Variants in COP1 observed in about 807,000 individuals in gnomAD.
COP1 encodes E3 ubiquitin-protein ligase COP1.
A neutral mutation model predicts 101.3 loss-of-function variants in COP1; 24 were observed. The ratio of observed to expected loss-of-function variants is 0.24; its 90% confidence interval spans 0.17 to 0.33. The LOEUF (loss-of-function observed/expected upper bound fraction) is 0.33, where lower values mean the gene tolerates loss of function less well. Ranked by LOEUF, COP1 falls within the 10% of genes least tolerant of loss-of-function variation. The pLI is 1.00. For missense variants in COP1, 663 were observed against 906.2 expected, an observed-to-expected ratio of 0.73 and a Z score of 3.45; for synonymous variants, 347 against 341.9, an observed-to-expected ratio of 1.01 and a Z score of -0.17.
chr1:176,124,416 A>G (rs1049501765), intron 8 of COP1, among the ~76,000 whole-genome samples: 1 of 49,134 alleles, frequency 2.0e-5, no homozygotes, highest in African/African-American at 7.9e-5. Context: ...CCTGCCCCCC[A>G]GCCCCGTACT....
intron 3 of COP1, among the ~76,000 whole-genome samples, chr1:176,166,020 A>G (rs1455201421): frequency 6.6e-6 from 1 of 152,232 alleles, no homozygotes; most frequent in African/African-American, 2.4e-5. Context: ...TTTTACCACA[A>G]AATCTTATAT....
chr1:176,145,560 G>A (rs1004277142), intron 6 of COP1, among the ~76,000 whole-genome samples: 8 of 151,954 alleles, frequency 5.3e-5, no homozygotes, highest in Non-Finnish European at 1.0e-4. Flanking sequence ...ATATAACATA[G>A]TAGTATTTTT....
chr1:176,014,025 T>C (rs1298426796), intron 15 of COP1, among the ~76,000 whole-genome samples: 2 of 152,222 alleles, frequency 1.3e-5, no homozygotes, highest in African/African-American at 4.8e-5. Flanking sequence ...TGAAGCTATT[T>C]CTCCATTCCT....
At chr1:176,056,356 T>C (rs1366163045) in intron 11 of COP1, among the ~76,000 whole-genome samples, 12 of 152,218 alleles carry the variant, frequency 7.9e-5, no homozygotes. Flanking sequence ...GCACTTAATC[T>C]GTCATGGACT....
chr1:176,137,956 T>C (rs1433715849), intron 6 of COP1, among the ~76,000 whole-genome samples: 1 of 152,114 alleles, frequency 6.6e-6, no homozygotes, highest in Non-Finnish European at 1.5e-5. Flanking sequence ...AGAAAGCCAA[T>C]AGTTGAAATA....
At chr1:176,066,604 T>G (rs894019956) in intron 11 of COP1, among the ~76,000 whole-genome samples, 1 of 152,236 alleles carries the variant, frequency 6.6e-6, no homozygotes, top group African/African-American at 2.4e-5. Flanking sequence ...CTGCTGACTT[T>G]TACGTCAAGG....
At chr1:176,008,931 C>T (rs999095421) in intron 15 of COP1, among the ~76,000 whole-genome samples, 1 of 152,152 alleles carries the variant, frequency 6.6e-6, no homozygotes, top group African/African-American at 2.4e-5. Flanking sequence ...TAATGCTTTG[C>T]ACGATTTGTG....
intron 6 of COP1, among the ~76,000 whole-genome samples, chr1:176,139,313 T>C (rs1363839065): frequency 6.8e-6 from 1 of 147,864 alleles, no homozygotes; most frequent in Non-Finnish European, 1.5e-5. Context: ...AAAAAAGAGA[T>C]GCTGGTGAGG....
chr1:176,151,952 A>T lies in COP1; in HGVS notation c.763-2878T>A, dbSNP rs577983858. Among the ~76,000 whole-genome samples the T allele has an allele frequency of 3.3e-3, 456 of 140,200 alleles. 1 individual carries two copies. The highest frequency in any genetic ancestry group is 8.7e-3 in the African/African-American group (331 of 38,062). The allele number at this position is 140,200 out of a possible 152,430, so 92.0% of individuals were successfully genotyped here. On this transcript the variant is annotated intron_variant, in intron 5 of 19. Transcript: ENST00000367669. ...GTAGAACAACTGCCATTTTGAGGGCATTTTTTTTTTTTTTTTGCATCAGAC... is the reference window on the plus strand; with the variant it reads ...GTAGAACAACTGCCATTTTGAGGGCTTTTTTTTTTTTTTTTTGCATCAGAC...
intron 11 of COP1, among the ~76,000 whole-genome samples, chr1:176,062,576 C>T (rs533073501): frequency 6.6e-6 from 1 of 152,134 alleles, no homozygotes; most frequent in Admixed American, 6.5e-5. Flanking sequence ...ATCATTTTGG[C>T]AGCTTCTTAA....
intron 9 of COP1, among the ~76,000 whole-genome samples, chr1:176,110,649 A>T (rs950971298): frequency 2.6e-5 from 4 of 152,178 alleles, no homozygotes; most frequent in African/African-American, 9.7e-5. Flanking sequence ...TTTAAAACAA[A>T]AAACAAAAAA....
chr1:175,975,954 G>T (rs1171961793), intron 18 of COP1, among the ~76,000 whole-genome samples: 2 of 152,122 alleles, frequency 1.3e-5, no homozygotes, highest in African/African-American at 4.8e-5. Context: ...CTCCATAAGG[G>T]ATCTTAGAAT....
chr1:176,084,021 T>G (rs563010007), intron 10 of COP1, among the ~76,000 whole-genome samples: 2 of 152,244 alleles, frequency 1.3e-5, no homozygotes, highest in Non-Finnish European at 2.9e-5. Flanking sequence ...TGACCTTTAC[T>G]ATTCCATACC....
chr1:175,992,928 C>T (rs924704171), intron 15 of COP1, among the ~76,000 whole-genome samples: 4 of 152,204 alleles, frequency 2.6e-5, no homozygotes. Flanking sequence ...TGAGAACGGG[C>T]AGACTGCCTC....
chr1:176,176,045 C>A (rs1385468769), intron 2 of COP1, 38 bp from the exon 3 acceptor site: 9 of 984,624 alleles, frequency 9.1e-6, no homozygotes, highest in South Asian at 1.4e-5. Flanking sequence ...TTAATTAAAT[C>A]AATGAAAAAT....
At chr1:176,061,392 C>T (rs952130786) in intron 11 of COP1, among the ~76,000 whole-genome samples, 12 of 152,308 alleles carry the variant, frequency 7.9e-5, no homozygotes, top group East Asian at 7.7e-4. Context: ...CTTGGGAGGC[C>T]GAGGTGGGCA....
intron 9 of COP1, among the ~76,000 whole-genome samples, chr1:176,102,810 G>A (rs958672253): frequency 6.6e-6 from 1 of 152,194 alleles, no homozygotes; most frequent in Non-Finnish European, 1.5e-5. Flanking sequence ...TGGATCAGCT[G>A]ACACCACCCA....
chr1:176,034,303 T>A (rs985927494), intron 14 of COP1, among the ~76,000 whole-genome samples: 108 of 152,088 alleles, frequency 7.1e-4, no homozygotes, highest in Non-Finnish European at 1.5e-4. Flanking sequence ...TGGGAGTAAT[T>A]TTTTCCTTTT....
intron 17 of COP1, among the ~76,000 whole-genome samples, chr1:175,988,020 T>C (rs1471777688): frequency 6.6e-6 from 1 of 152,188 alleles, no homozygotes; most frequent in Non-Finnish European, 1.5e-5. Context: ...AGAATTATGT[T>C]ATAATGGAGA....
Sources: gnomAD v4.1 joint callset for allele counts (sites outside exome capture counted in the v4.1 genomes callset) on GRCh38, gnomAD v4.1.1 for gene constraint, MANE v1.5 for transcripts, NCBI Gene and HGNC (gene_info 2026-07-23, HGNC 2026-07-21) for gene names.